Variants in SLC25A26 observed in about 807,000 individuals in gnomAD.
SLC25A26 encodes the protein mitochondrial S-adenosylmethionine carrier protein.
In SLC25A26, 36 loss-of-function variants were observed where a neutral mutation model predicts 37.8. The observed-to-expected ratio is 0.95, with a 90% CI of 0.73 to 1.26. The LOEUF (loss-of-function observed/expected upper bound fraction) is 1.26. Ranked by LOEUF, SLC25A26 falls within the 50% of genes most tolerant of loss-of-function variation. The pLI, the probability that SLC25A26 is intolerant of heterozygous loss-of-function variation, is 0.00. For synonymous variants in SLC25A26, 129 were observed against 122.5 expected (o/e 1.05, Z -0.35); for missense variants, 390 against 331.1 (o/e 1.18, Z -1.38).
Position 66,352,378 on chromosome 3 carries a change from G to A in SLC25A26, c.498+5970G>A, listed in dbSNP as rs535436610. On this transcript the variant is annotated intron_variant, in intron 6 of 9. Coordinates refer to ENST00000354883, the MANE Select transcript of SLC25A26 (RefSeq NM_001379210.1). The stretch of plus-strand genomic sequence containing the variant: ...CCCGTGCCACTCACCCGCTGTGCCC[G>A]GCCACGTTGCGCTGACTGTGCTGCT... Among the ~76,000 whole-genome samples the A allele has an allele frequency of 9.9e-5, 15 of 151,698 alleles. No individual in the cohort carries two copies. The South Asian group carries it at 1.5e-3, about 15-fold the overall frequency.
intron 5 of SLC25A26, among the ~76,000 whole-genome samples, chr3:66,314,444 C>A (rs1008412868): frequency 6.6e-6 from 1 of 151,912 alleles, no homozygotes; most frequent in African/African-American, 2.4e-5. Context: ...GTTGAACCAG[C>A]CGTGCATCCT....
intron 5 of SLC25A26, among the ~76,000 whole-genome samples, chr3:66,340,899 C>T (rs959208549): frequency 6.7e-6 from 1 of 150,346 alleles, no homozygotes; most frequent in African/African-American, 2.4e-5. Context: ...AAAAAAAAGT[C>T]GTTTTTCATT....
chr3:66,356,284 A>G (rs894666723), intron 6 of SLC25A26, among the ~76,000 whole-genome samples: 1 of 152,144 alleles, frequency 6.6e-6, no homozygotes, highest in African/African-American at 2.4e-5. Context: ...TTTCTGGCCT[A>G]TGACTACTGG....
intron 7 of SLC25A26, among the ~76,000 whole-genome samples, chr3:66,367,345 C>T (rs1402949050): frequency 6.6e-6 from 1 of 152,164 alleles, no homozygotes; most frequent in African/African-American, 2.4e-5. Flanking sequence ...GATCCCGTCT[C>T]AGCTCTGCAC....
rs1361595256 is a variant in SLC25A26 at position 66,304,957 on chromosome 3, A to G, written c.454-41407A>G. On this transcript the variant is annotated intron_variant, in intron 5 of 9. Coordinates refer to ENST00000354883, the MANE Select transcript of SLC25A26 (RefSeq NM_001379210.1). ...AACTCAAAAGATTTTGTCACCAAAAAGTGTATCTTGTGATTTATTTTTTAT... is the reference window on the plus strand; with the variant it reads ...AACTCAAAAGATTTTGTCACCAAAAGGTGTATCTTGTGATTTATTTTTTAT... Among the ~76,000 whole-genome samples the G allele has an allele frequency of 2.0e-5, 3 of 152,234 alleles. No individual in the cohort carries two copies. In the East Asian group the frequency reaches 5.8e-4, roughly 29 times the overall value.
At chr3:66,219,477 T>C (rs1179596672), upstream of SLC25A26, among the ~76,000 whole-genome samples, 1 of 152,240 alleles carries the variant, frequency 6.6e-6, no homozygotes, top group African/African-American at 2.4e-5. Context: ...CATGAGACTT[T>C]GAAAGACATT....
chr3:66,174,799 GA>G (rs1312205685), intron 1 of SLC25A26, among the ~76,000 whole-genome samples: 155 of 65,808 alleles, frequency 2.4e-3, no homozygotes, highest in East Asian at 7.2e-3. Flanking sequence ...GTCTCAAAAA[GA>G]AAAAAAAAAA....
chr3:66,342,917 G>C (rs545269674), intron 5 of SLC25A26, among the ~76,000 whole-genome samples: 1 of 152,154 alleles, frequency 6.6e-6, no homozygotes, highest in African/African-American at 2.4e-5. Context: ...TTAAATGGAG[G>C]CATTAAACAG....
chr3:66,237,018 G>A (rs543804107), intron 2 of SLC25A26, among the ~76,000 whole-genome samples: 18 of 152,132 alleles, frequency 1.2e-4, no homozygotes, highest in African/African-American at 4.3e-4. Flanking sequence ...TGTACTTTTT[G>A]TAGAGAATGG....
intron 1 of SLC25A26, among the ~76,000 whole-genome samples, chr3:66,150,037 A>G (rs1353206237): frequency 1.3e-5 from 2 of 152,166 alleles, no homozygotes; most frequent in Non-Finnish European, 2.9e-5. Context: ...CAAGGTTCAT[A>G]GGCTCCTAAT....
At chr3:66,275,986 A>G (rs2074130719) in intron 5 of SLC25A26, among the ~76,000 whole-genome samples, 1 of 152,108 alleles carries the variant, frequency 6.6e-6, no homozygotes, top group African/African-American at 2.4e-5. Flanking sequence ...GAGTATTAAG[A>G]GACTATATAT....
At chr3:66,153,853 T>C (rs2070241139) in intron 1 of SLC25A26, among the ~76,000 whole-genome samples, 1 of 152,192 alleles carries the variant, frequency 6.6e-6, no homozygotes, top group Non-Finnish European at 1.5e-5. Context: ...CTGAAGACAG[T>C]GTTACTGCTT....
At chr3:66,271,380 C>T (rs1466751238) in intron 5 of SLC25A26, among the ~76,000 whole-genome samples, 1 of 152,056 alleles carries the variant, frequency 6.6e-6, no homozygotes, top group Non-Finnish European at 1.5e-5. Context: ...TTCATTTTGC[C>T]TGGCTAACTT....
intron 5 of SLC25A26, among the ~76,000 whole-genome samples, chr3:66,344,765 A>G (rs1216032358): frequency 6.6e-6 from 1 of 152,196 alleles, no homozygotes; most frequent in Non-Finnish European, 1.5e-5. Flanking sequence ...GAAATATGAC[A>G]TGGGTGTCTT....
intron 5 of SLC25A26, among the ~76,000 whole-genome samples, chr3:66,324,374 G>T (rs2075781149): frequency 6.6e-6 from 1 of 152,036 alleles, no homozygotes; most frequent in South Asian, 2.1e-4. Context: ...TTATTGGTCT[G>T]AGTGATACCA....
intron 6 of SLC25A26, among the ~76,000 whole-genome samples, chr3:66,346,715 CGTGTGTGTGTGTGTGTGTGTGTGTGTGT>C (rs34944870): frequency 7.2e-6 from 1 of 138,882 alleles, no homozygotes; most frequent in African/African-American, 2.6e-5. Context: ...TTGCTGTGTG[CGTGTGTGTGTGTGTGTGTGTGTGTGTGT>C]GTGTGTGTGT....
intron 5 of SLC25A26, among the ~76,000 whole-genome samples, chr3:66,323,230 A>ATTGG (rs771678025): frequency 8.8e-4 from 134 of 152,228 alleles, no homozygotes; most frequent in Non-Finnish European, 1.7e-3. Context: ...TAGATGCCAC[A>ATTGG]TTGGTATTGA....
At chr3:66,153,344 G>A (rs2070233326) in intron 1 of SLC25A26, among the ~76,000 whole-genome samples, 1 of 152,190 alleles carries the variant, frequency 6.6e-6, no homozygotes, top group South Asian at 2.1e-4. Flanking sequence ...TATGTGCAAT[G>A]TATTCGGGCA....
At chr3:66,315,892 T>G (rs769967979) in intron 5 of SLC25A26, among the ~76,000 whole-genome samples, 9 of 152,168 alleles carry the variant, frequency 5.9e-5, no homozygotes, top group Non-Finnish European at 1.0e-4. Flanking sequence ...TTTTTAATGT[T>G]TGTTGGTTTA....
Sources: gnomAD v4.1 joint callset for allele counts (sites outside exome capture counted in the v4.1 genomes callset) on GRCh38, gnomAD v4.1.1 for gene constraint, MANE v1.5 for transcripts, NCBI Gene and HGNC (gene_info 2026-07-23, HGNC 2026-07-21) for gene names.